The following ADAM18 variants were observed in gnomAD, a reference collection of about 807,000 sequenced individuals.
ADAM18 encodes ADAM metallopeptidase domain 18.
In ADAM18, 117 loss-of-function variants were observed where a neutral mutation model predicts 94.4. That is an observed-to-expected ratio of 1.24 (90% CI 1.07 to 1.45). The LOEUF (loss-of-function observed/expected upper bound fraction) is 1.45, where lower values mean the gene tolerates loss of function less well. Ranked by LOEUF, ADAM18 falls within the 40% of genes most tolerant of loss-of-function variation. ADAM18 has a pLI of 0.00. For missense variants in ADAM18, 936 were observed against 880.0 expected, an observed-to-expected ratio of 1.06 and a Z score of -0.81; for synonymous variants, 327 against 291.6, an observed-to-expected ratio of 1.12 and a Z score of -1.24.
intron 19 of ADAM18, among the ~76,000 whole-genome samples, chr8:39,729,068 G>A (rs888758678): frequency 6.6e-6 from 1 of 151,998 alleles, no homozygotes; most frequent in African/African-American, 2.4e-5. Context: ...CATCCTAATG[G>A]GTGTGAGGAG....
At chr8:39,611,141 G>T (rs1162953676) in intron 6 of ADAM18, 2 of 962,238 alleles carry the variant, frequency 2.1e-6, no homozygotes, top group African/African-American at 3.5e-5. Flanking sequence ...CTTGCTGGCA[G>T]TTTCTTTCTT....
intron 2 of ADAM18, among the ~76,000 whole-genome samples, chr8:39,601,005 C>T (rs1333656708): frequency 1.3e-5 from 2 of 152,042 alleles, no homozygotes; most frequent in Non-Finnish European, 2.9e-5. Context: ...GCTGGGGAGG[C>T]CTCAGGAAAC....
At chr8:39,713,774 TAA>T (rs1480907685) in intron 18 of ADAM18, among the ~76,000 whole-genome samples, 1 of 152,098 alleles carries the variant, frequency 6.6e-6, no homozygotes, top group African/African-American at 2.4e-5. Context: ...TGGCAATCAT[TAA>T]AAAGTCAGGA....
intron 16 of ADAM18, among the ~76,000 whole-genome samples, chr8:39,683,026 G>A (rs1821511972): frequency 6.6e-6 from 1 of 152,134 alleles, no homozygotes; most frequent in Non-Finnish European, 1.5e-5. Flanking sequence ...TGGACATAGT[G>A]ACGTGCTTCT....
intron 6 of ADAM18, among the ~76,000 whole-genome samples, chr8:39,613,017 G>A (rs918687412): frequency 1.2e-4 from 19 of 152,016 alleles, no homozygotes; most frequent in East Asian, 5.8e-4. Context: ...AGCTACCACC[G>A]CTAGAACACA....
intron 11 of ADAM18, among the ~76,000 whole-genome samples, chr8:39,645,719 C>G (rs1381731415): frequency 6.6e-6 from 1 of 152,076 alleles, no homozygotes; most frequent in African/African-American, 2.4e-5. Context: ...TTGTCATGCC[C>G]AACTTTTAAG....
chr8:39,618,890 T>A (rs1216930695), intron 6 of ADAM18, among the ~76,000 whole-genome samples: 1 of 152,186 alleles, frequency 6.6e-6, no homozygotes, highest in Admixed American at 6.5e-5. Flanking sequence ...CGCTGTTGGC[T>A]CATTCTGGCA....
At chr8:39,696,848 A>G (rs1821940147) in intron 17 of ADAM18, among the ~76,000 whole-genome samples, 1 of 151,578 alleles carries the variant, frequency 6.6e-6, no homozygotes, top group Non-Finnish European at 1.5e-5. Flanking sequence ...GGCTACCTGA[A>G]GTGCCTTGGG....
chr8:39,638,660 T>G, intron 10 of ADAM18, 114 bp downstream of exon 10: 1 of 488,194 alleles, frequency 2.0e-6, no homozygotes, highest in Non-Finnish European at 3.4e-6. Flanking sequence ...TTTCTGTATA[T>G]GTATATTCAT....
At position 39,625,782 on chromosome 8, in the gene ADAM18, A is replaced by G. The variant is rs59465867; in HGVS notation, c.523-3592A>G. Among the ~76,000 whole-genome samples, 1,114 of 152,076 alleles carry G rather than the reference A, an allele frequency of 7.3e-3. 13 individuals carry two copies. The highest frequency in any genetic ancestry group is 0.025 in the African/African-American group (1,033 of 41,486). The stretch of plus-strand genomic sequence containing the variant: ...TTTTATTGCTTTTTTCAGCATCTGT[A>G]GAGATTATTATTTTCAATTTTTTAT... On this transcript the variant is annotated intron_variant, in intron 6 of 19. Transcript: ENST00000265707.
chr8:39,660,726 T>G (rs898631445), intron 12 of ADAM18, among the ~76,000 whole-genome samples: 12 of 152,174 alleles, frequency 7.9e-5, no homozygotes, highest in Non-Finnish European at 1.3e-4. Context: ...AAAGCTGTTT[T>G]AAAAGAATAA....
At chr8:39,660,160 G>C (rs1820797668) in intron 12 of ADAM18, among the ~76,000 whole-genome samples, 1 of 151,874 alleles carries the variant, frequency 6.6e-6, no homozygotes, top group Admixed American at 6.6e-5. Context: ...AAATCACAAG[G>C]ATAAACAACA....
At chr8:39,672,518 G>A (rs942012595) in intron 14 of ADAM18, among the ~76,000 whole-genome samples, 1 of 152,216 alleles carries the variant, frequency 6.6e-6, no homozygotes, top group Non-Finnish European at 1.5e-5. Context: ...GCCAATGAGG[G>A]TACTACTCAA....
intron 12 of ADAM18, among the ~76,000 whole-genome samples, chr8:39,662,278 T>C (rs1417434685): frequency 6.6e-6 from 1 of 152,160 alleles, no homozygotes. Context: ...CAGCATTATT[T>C]AACTTTGGAA....
At chr8:39,680,328 AC>A in intron 16 of ADAM18, 102 bp downstream of exon 16, 1 of 1,119,520 alleles carries the variant, frequency 8.9e-7, no homozygotes, top group South Asian at 1.7e-5. Flanking sequence ...ATGGATTTAA[AC>A]TTGTGCTGGC....
At chr8:39,637,140 C>T (rs1820101669) in intron 7 of ADAM18, 124 bp from the exon 8 acceptor site, 1 of 585,492 alleles carries the variant, frequency 1.7e-6, no homozygotes, top group East Asian at 3.2e-5. Flanking sequence ...AATCTGCACA[C>T]ATTCTCCTAT....
At chr8:39,617,317 T>C (rs939191294) in intron 6 of ADAM18, among the ~76,000 whole-genome samples, 1 of 152,128 alleles carries the variant, frequency 6.6e-6, no homozygotes, top group African/African-American at 2.4e-5. Flanking sequence ...CCAGTTAGAA[T>C]GGCTATTACT....
intron 10 of ADAM18, 45 bp from the exon 11 acceptor site, chr8:39,645,293 T>C (rs749523815): frequency 2.0e-6 from 3 of 1,508,438 alleles, no homozygotes; most frequent in Non-Finnish European, 2.7e-6. Flanking sequence ...TTATTACTTT[T>C]ATTTTCACAC....
chr8:39,634,302 A>C (rs534252582), intron 7 of ADAM18, among the ~76,000 whole-genome samples: 1 of 152,242 alleles, frequency 6.6e-6, no homozygotes, highest in South Asian at 2.1e-4. Context: ...TCCACCTATA[A>C]GTCAAAGGAT....
Sources: gnomAD v4.1 joint callset for allele counts (sites outside exome capture counted in the v4.1 genomes callset) on GRCh38, gnomAD v4.1.1 for gene constraint, MANE v1.5 for transcripts, NCBI Gene and HGNC (gene_info 2026-07-23, HGNC 2026-07-21) for gene names.